Variants in CHD6 observed in about 807,000 individuals in gnomAD.
CHD6 encodes chromodomain helicase DNA binding protein 6.
CHD6 carries 50 observed loss-of-function variants against 276.9 expected under a neutral mutation model. The observed-to-expected ratio is 0.18, with a 90% CI of 0.14 to 0.23. The LOEUF is 0.23. CHD6 is among the 10% of genes least tolerant of loss of function. CHD6 has a pLI of 1.00. For synonymous variants in CHD6, 1,173 were observed against 1,229.3 expected, an observed-to-expected ratio of 0.95 and a Z score of 0.96; for missense variants, 2,564 against 3,365.8, an observed-to-expected ratio of 0.76 and a Z score of 5.89.
rs116885658 is a variant in CHD6, at chr20:41,575,651, C to T, written c.-23-24291G>A. Reference sequence around the variant, plus strand: ...CAAAAAACAAAAAACACCATTAACGCACCCAGAATTGTGCTAATATGTCCA... The same window carrying T: ...CAAAAAACAAAAAACACCATTAACGTACCCAGAATTGTGCTAATATGTCCA... On this transcript the variant is annotated intron_variant, in intron 1 of 36. Transcript: ENST00000373233. Among the ~76,000 whole-genome samples the T allele has an allele frequency of 6.9e-3, 1,053 of 152,280 alleles. 7 individuals carry two copies. The highest frequency in any genetic ancestry group is 9.7e-3 in the Non-Finnish European group (660 of 68,032).
At chr20:41,503,327 C>T (rs1046090524) in intron 5 of CHD6, among the ~76,000 whole-genome samples, 19 of 152,074 alleles carry the variant, frequency 1.2e-4, no homozygotes, top group African/African-American at 4.1e-4. Flanking sequence ...TTTGTTAGTA[C>T]ATTCTGTTCA....
chr20:41,591,825 C>T (rs890659711), intron 1 of CHD6, among the ~76,000 whole-genome samples: 4 of 152,096 alleles, frequency 2.6e-5, no homozygotes, highest in Non-Finnish European at 5.9e-5. Flanking sequence ...CAAGGCTGGG[C>T]GCAGTGGCTC....
chr20:41,418,904 C>A (rs905363257), intron 31 of CHD6, among the ~76,000 whole-genome samples: 1 of 152,216 alleles, frequency 6.6e-6, no homozygotes, highest in Non-Finnish European at 1.5e-5. Flanking sequence ...GCAAGGCTGA[C>A]GCTGCCATCA....
intron 27 of CHD6, among the ~76,000 whole-genome samples, chr20:41,436,702 C>T (rs2047719926): frequency 6.6e-6 from 1 of 152,166 alleles, no homozygotes; most frequent in Non-Finnish European, 1.5e-5. Context: ...ACTGTTGATA[C>T]AGACAACCAC....
intron 3 of CHD6, among the ~76,000 whole-genome samples, chr20:41,518,873 A>G (rs2044315299): frequency 6.6e-6 from 1 of 152,112 alleles, no homozygotes; most frequent in Admixed American, 6.5e-5. Context: ...AGTTTTAAAA[A>G]CCTTATGCTT....
chr20:41,574,595 T>C (rs775723058), intron 1 of CHD6, among the ~76,000 whole-genome samples: 2 of 152,220 alleles, frequency 1.3e-5, no homozygotes, highest in African/African-American at 4.8e-5. Context: ...AAGGCACTCC[T>C]GTTAACAAGT....
intron 23 of CHD6, among the ~76,000 whole-genome samples, chr20:41,448,721 G>A (rs1306982986): frequency 1.3e-5 from 2 of 152,052 alleles, no homozygotes; most frequent in South Asian, 2.1e-4. Flanking sequence ...ATGACAAAGG[G>A]GTAAGGCCTC....
chr20:41,519,379 G>A (rs2145995730), intron 3 of CHD6, among the ~76,000 whole-genome samples: 1 of 152,242 alleles, frequency 6.6e-6, no homozygotes, highest in Middle Eastern at 3.4e-3. Flanking sequence ...TCTACTTACA[G>A]GAATGTAATC....
intron 5 of CHD6, among the ~76,000 whole-genome samples, chr20:41,511,289 C>T (rs758864715): frequency 3.9e-5 from 6 of 152,216 alleles, no homozygotes; most frequent in Non-Finnish European, 8.8e-5. Context: ...AAGTCAGCAA[C>T]AGTGACTCCA....
chr20:41,617,178 GCA>G (rs1229894372), intron 1 of CHD6, among the ~76,000 whole-genome samples: 1 of 152,026 alleles, frequency 6.6e-6, no homozygotes, highest in Non-Finnish European at 1.5e-5. Flanking sequence ...GGGAAATAAG[GCA>G]CACACACAGC....
At chr20:41,552,685 T>C (rs749288235) in intron 1 of CHD6, among the ~76,000 whole-genome samples, 1 of 152,218 alleles carries the variant, frequency 6.6e-6, no homozygotes, top group African/African-American at 2.4e-5. Context: ...GTCTGTCAAT[T>C]TAGATTTTTC....
chr20:41,488,227 T>C (rs79316081), intron 13 of CHD6, among the ~76,000 whole-genome samples: 36 of 152,326 alleles, frequency 2.4e-4, no homozygotes, highest in Non-Finnish European at 4.6e-4. Flanking sequence ...GAAATCAATC[T>C]GTGGCAAAGG....
Position 41,473,328 on chromosome 20 carries a change from G to A in CHD6, c.2658C>T (p.Asp886=). Residue 886 remains aspartate (D), a synonymous_variant, in exon 17 of 37, where the codon GAC becomes GAT. Coordinates refer to ENST00000373233, the MANE Select transcript of CHD6 (RefSeq NM_032221.5). The surrounding 1 kb of genome is among the most constrained non-coding windows in gnomAD (Gnocchi z 4.1). ...CAATCATCCTAGTGGTTACCTGCAA[G>A]TCATTTTGTGGGTTCCAGTCAGAAT... ...IFDSDWNPQN[D]LQAQARCHRI... The A allele has an allele frequency of 6.2e-7, 1 of 1,613,918 alleles. No individual in the cohort carries two copies. The highest frequency in any genetic ancestry group is 8.5e-7 in the Non-Finnish European group (1 of 1,179,944).
At chr20:41,589,080 C>T (rs568294192) in intron 1 of CHD6, among the ~76,000 whole-genome samples, 24 of 152,234 alleles carry the variant, frequency 1.6e-4, no homozygotes, top group South Asian at 6.2e-4. Flanking sequence ...AATCAATAAA[C>T]GTAATCTGGC....
chr20:41,598,550 T>C (rs1355322150), intron 1 of CHD6, among the ~76,000 whole-genome samples: 1 of 152,174 alleles, frequency 6.6e-6, no homozygotes, highest in Non-Finnish European at 1.5e-5. Context: ...ATGAGCTGTA[T>C]GGTATCTCTC....
chr20:41,554,461 G>A (rs961134685), intron 1 of CHD6, among the ~76,000 whole-genome samples: 8 of 151,622 alleles, frequency 5.3e-5, no homozygotes, highest in Non-Finnish European at 1.0e-4. Flanking sequence ...AGGGTCATAG[G>A]ACAATAGTGG....
At chr20:41,613,554 C>T (rs184309155) in intron 1 of CHD6, among the ~76,000 whole-genome samples, 57 of 152,312 alleles carry the variant, frequency 3.7e-4, no homozygotes, top group African/African-American at 1.3e-3. Flanking sequence ...CCAGGGAATG[C>T]CTGAATGCTG....
intron 7 of CHD6, 86 bp from the exon 8 acceptor site, chr20:41,497,587 C>T (rs2043718512): frequency 2.3e-6 from 2 of 885,570 alleles, no homozygotes; most frequent in Admixed American, 3.4e-5. Context: ...CGGTGACCAC[C>T]TAACACAGAA....
Position 41,493,641 on chromosome 20 carries a change from G to A in CHD6, c.1211C>T (p.Ser404Leu). 6.2e-7 allele frequency: 1 copy of A among 1,613,774 alleles called. No individual in the cohort carries two copies. The highest frequency in any genetic ancestry group is 8.5e-7 in the Non-Finnish European group (1 of 1,179,754). The change falls in exon 10 of 37, where the codon TCA (serine) becomes TTA (leucine). Residue 404 changes from serine (S) to leucine (L), a missense_variant. Transcript: ENST00000373233. ...CCACGTGCTTTCTTCATATGGTAGT[G>A]AGCACCACTTCACCAGGTAATGTGT... ...EVTHYLVKWC[S>L]LPYEESTWEL... is the part of the protein sequence containing the mutation.
Sources: gnomAD v4.1 joint callset for allele counts (sites outside exome capture counted in the v4.1 genomes callset) on GRCh38, gnomAD v4.1.1 for gene constraint, Gnocchi (gnomAD v3.1) non-coding constraint, MANE v1.5 for transcripts, NCBI Gene and HGNC (gene_info 2026-07-23, HGNC 2026-07-21) for gene names.